The following SLC10A7 variants were observed in gnomAD, a reference collection of about 807,000 sequenced individuals.
SLC10A7 encodes the protein solute carrier family 10 member 7.
In SLC10A7, 29 loss-of-function variants were observed where a neutral mutation model predicts 43.2. The observed-to-expected ratio is 0.67, with a 90% confidence interval of 0.50 to 0.92. The LOEUF (loss-of-function observed/expected upper bound fraction) is 0.92. Among genes scored for constraint, SLC10A7 ranks in the 40% least tolerant of loss-of-function variants. The probability of loss-of-function intolerance (pLI) is 0.00; values close to 1 mark genes in which losing one functional copy is unlikely to be tolerated. For missense variants in SLC10A7, 295 were observed against 403.2 expected, an observed-to-expected ratio of 0.73 and a Z score of 2.30; for synonymous variants, 152 against 144.8, an observed-to-expected ratio of 1.05 and a Z score of -0.35.
intron 4 of SLC10A7, among the ~76,000 whole-genome samples, chr4:146,497,428 T>G (rs1735995949): frequency 6.6e-6 from 1 of 152,202 alleles, no homozygotes; most frequent in Non-Finnish European, 1.5e-5. Context: ...TTTTTCTTTT[T>G]CCCTTCAGAT....
intron 6 of SLC10A7, among the ~76,000 whole-genome samples, chr4:146,310,539 C>T (rs1287168870): frequency 6.6e-6 from 1 of 152,076 alleles, no homozygotes; most frequent in Non-Finnish European, 1.5e-5. Context: ...GATGGTGTCT[C>T]ATTGTGGTTT....
At chr4:146,442,312 T>C (rs949896790) in intron 5 of SLC10A7, 1 of 986,156 alleles carries the variant, frequency 1.0e-6, no homozygotes, top group Non-Finnish European at 1.2e-6. Flanking sequence ...CAAATTTTTT[T>C]TCACATAGAT....
At chr4:146,306,191 A>C (rs1289737398) in intron 6 of SLC10A7, among the ~76,000 whole-genome samples, 182 bp from the exon 7 acceptor site, 1 of 152,176 alleles carries the variant, frequency 6.6e-6, no homozygotes, top group Non-Finnish European at 1.5e-5. Flanking sequence ...TAAGTATTTT[A>C]AAATATAATT....
At chr4:146,265,089 T>C (rs1417015136) in intron 10 of SLC10A7, among the ~76,000 whole-genome samples, 1 of 152,232 alleles carries the variant, frequency 6.6e-6, no homozygotes, top group African/African-American at 2.4e-5. Context: ...CAATCATTAC[T>C]ACCACTATTA....
intron 5 of SLC10A7, among the ~76,000 whole-genome samples, chr4:146,418,101 C>T (rs1728705951): frequency 6.6e-6 from 1 of 152,054 alleles, no homozygotes; most frequent in Non-Finnish European, 1.5e-5. Flanking sequence ...TAACTCAGAG[C>T]CTCAAACTGA....
At chr4:146,461,782 A>T (rs1193711095) in intron 4 of SLC10A7, among the ~76,000 whole-genome samples, 2 of 150,384 alleles carry the variant, frequency 1.3e-5, no homozygotes, top group African/African-American at 4.9e-5. Context: ...AGAAAAAAAA[A>T]AAAAAAGATA....
chr4:146,413,223 T>C (rs1435543460), intron 5 of SLC10A7, among the ~76,000 whole-genome samples: 1 of 152,138 alleles, frequency 6.6e-6, no homozygotes, highest in Admixed American at 6.5e-5. Flanking sequence ...CCTTTAAGAT[T>C]CTAAGACAGT....
chr4:146,503,181 C>T (rs1736576596), intron 4 of SLC10A7, among the ~76,000 whole-genome samples: 1 of 152,140 alleles, frequency 6.6e-6, no homozygotes, highest in Non-Finnish European at 1.5e-5. Flanking sequence ...TATCTTCCCT[C>T]CTTCAATAAC....
At chr4:146,380,704 ATTG>A (rs1198649696) in intron 5 of SLC10A7, among the ~76,000 whole-genome samples, 2 of 152,090 alleles carry the variant, frequency 1.3e-5, no homozygotes, top group African/African-American at 4.8e-5. Context: ...CCTACTTATA[ATTG>A]TTGTATCAGT....
intron 10 of SLC10A7, among the ~76,000 whole-genome samples, chr4:146,264,572 C>G (rs931366390): frequency 1.3e-5 from 2 of 152,038 alleles, no homozygotes; most frequent in East Asian, 1.9e-4. Flanking sequence ...AGACAAGGTG[C>G]CTACTTTCTT....
At chr4:146,305,859 C>T in intron 7 of SLC10A7, 67 bp downstream of exon 7, 1 of 1,382,780 alleles carries the variant, frequency 7.2e-7, no homozygotes, top group Non-Finnish European at 9.9e-7. Flanking sequence ...CTCAACTGCT[C>T]TGACATTATG....
At chr4:146,347,270 T>C (rs2149736836) in intron 5 of SLC10A7, among the ~76,000 whole-genome samples, 1 of 152,208 alleles carries the variant, frequency 6.6e-6, no homozygotes, top group East Asian at 1.9e-4. Flanking sequence ...ACCATTCCCA[T>C]GGCACCAATC....
chr4:146,500,792 C>T (rs567362920), intron 4 of SLC10A7, among the ~76,000 whole-genome samples: 1 of 152,276 alleles, frequency 6.6e-6, no homozygotes, highest in African/African-American at 2.4e-5. Context: ...CTGCTCTTCC[C>T]ACTTTTTTCT....
At chr4:146,371,591 G>A (rs774634517) in intron 5 of SLC10A7, among the ~76,000 whole-genome samples, 2 of 152,136 alleles carry the variant, frequency 1.3e-5, no homozygotes, top group Non-Finnish European at 2.9e-5. Context: ...GAACAAAGTG[G>A]CTAAGGACAT....
intron 10 of SLC10A7, among the ~76,000 whole-genome samples, chr4:146,259,953 CT>C (rs1204286423): frequency 6.6e-6 from 1 of 152,172 alleles, no homozygotes; most frequent in East Asian, 1.9e-4. Context: ...ACATAAATAA[CT>C]TTTTATTAGA....
chr4:146,309,286 C>G (rs1731795263), intron 6 of SLC10A7, among the ~76,000 whole-genome samples: 1 of 152,114 alleles, frequency 6.6e-6, no homozygotes, highest in Admixed American at 6.5e-5. Flanking sequence ...AATCTATGCT[C>G]CTGAAGGTTG....
intron 3 of SLC10A7, among the ~76,000 whole-genome samples, chr4:146,505,538 A>G (rs1736822433): frequency 6.6e-6 from 1 of 152,182 alleles, no homozygotes; most frequent in Non-Finnish European, 1.5e-5. Context: ...AAGGTCAACT[A>G]TATTTTTATT....
At chr4:146,277,045 C>CTT (rs2111085049) in intron 10 of SLC10A7, among the ~76,000 whole-genome samples, 1 of 152,214 alleles carries the variant, frequency 6.6e-6, no homozygotes, top group Non-Finnish European at 1.5e-5. Context: ...GCTAAGCAAG[C>CTT]TATAAAGCAA....
At chr4:146,508,867 G>T (rs1259040828) in intron 3 of SLC10A7, among the ~76,000 whole-genome samples, 1 of 152,132 alleles carries the variant, frequency 6.6e-6, no homozygotes, top group Admixed American at 6.5e-5. Context: ...AAATCTGAAT[G>T]CTGTACCACG....
Sources: allele counts gnomAD v4.1 joint callset (sites outside exome capture counted in the v4.1 genomes callset), GRCh38; gene constraint gnomAD v4.1.1; transcripts MANE v1.5; gene names NCBI Gene and HGNC (gene_info 2026-07-23, HGNC 2026-07-21).